HS2ST1: variants seen among roughly 807,000 people sequenced by gnomAD.
HS2ST1 encodes heparan sulfate 2-O-sulfotransferase 1.
In HS2ST1, 18 loss-of-function variants were observed where a neutral mutation model predicts 42.9. The observed-to-expected ratio is 0.42, with a 90% CI of 0.29 to 0.62. HS2ST1 has a LOEUF of 0.62. Ranked by LOEUF, HS2ST1 falls within the 20% of genes least tolerant of loss-of-function variation. The pLI is 0.21. For missense variants in HS2ST1, 334 were observed against 433.8 expected (o/e 0.77, Z 2.04); for synonymous variants, 146 against 152.9 (o/e 0.95, Z 0.33).
intron 1 of HS2ST1, among the ~76,000 whole-genome samples, chr1:86,932,812 T>C (rs772539917): frequency 6.6e-6 from 1 of 152,108 alleles, no homozygotes; most frequent in Non-Finnish European, 1.5e-5. Flanking sequence ...CTGAGCACAA[T>C]TCTGAAGAAG....
intron 1 of HS2ST1, among the ~76,000 whole-genome samples, chr1:86,989,732 C>T (rs1648888843): frequency 6.6e-6 from 1 of 152,134 alleles, no homozygotes; most frequent in African/African-American, 2.4e-5. Context: ...CCCCCTAGCC[C>T]CCAGCAGGCC....
intron 1 of HS2ST1, among the ~76,000 whole-genome samples, chr1:86,960,023 A>T (rs1160911375): frequency 6.6e-6 from 1 of 152,224 alleles, no homozygotes; most frequent in Non-Finnish European, 1.5e-5. Context: ...ACACTATTGT[A>T]CTTAAAGACT....
chr1:87,063,385 G>A (rs1285192128), intron 1 of HS2ST1, among the ~76,000 whole-genome samples: 4 of 152,172 alleles, frequency 2.6e-5, no homozygotes, highest in Non-Finnish European at 4.4e-5. Flanking sequence ...TGCCCAGGCT[G>A]GAGTGCAATG....
rs1570494680 is a variant in HS2ST1, at chr1:87,026,010, C to T, written c.125-46924C>T. 2.0e-5 allele frequency among the ~76,000 whole-genome samples: 3 copies of T among 152,228 alleles called. No homozygotes were observed. In the South Asian group the frequency reaches 6.2e-4, roughly 32 times the overall value. ...AGATACTGTGTTAAAAAAATATATT[C>T]TTATTCTTCTTTGCTAAAGTGAGCC... On this transcript the variant is annotated intron_variant, in intron 1 of 6. Coordinates refer to ENST00000370550, the MANE Select transcript of HS2ST1 (RefSeq NM_012262.4).
chr1:86,953,993 C>T (rs1401464011), intron 1 of HS2ST1, among the ~76,000 whole-genome samples: 6 of 137,322 alleles, frequency 4.4e-5, no homozygotes, highest in African/African-American at 8.5e-5. Flanking sequence ...TGGTTTGTGA[C>T]GCCCCAAAAC....
chr1:86,948,296 G>C (rs1164069146), intron 1 of HS2ST1, among the ~76,000 whole-genome samples: 1 of 152,090 alleles, frequency 6.6e-6, no homozygotes, highest in Non-Finnish European at 1.5e-5. Context: ...TATTTGTATA[G>C]AGACTAGGTC....
intron 1 of HS2ST1, among the ~76,000 whole-genome samples, chr1:87,028,748 A>G (rs1030217133): frequency 6.6e-5 from 10 of 152,232 alleles, no homozygotes; most frequent in African/African-American, 2.4e-4. Flanking sequence ...CAGGTACTGG[A>G]TAGTTGAAAA....
intron 1 of HS2ST1, chr1:86,958,334 A>G (rs1647733521): frequency 6.6e-6 from 1 of 152,232 alleles, no homozygotes; most frequent in Non-Finnish European, 1.5e-5. Context: ...TAGCTAGAGA[A>G]AAGGTTATTA....
At chr1:86,984,971 G>C (rs4656130) in intron 1 of HS2ST1, among the ~76,000 whole-genome samples, 6 of 149,986 alleles carry the variant, frequency 4.0e-5, no homozygotes, top group Non-Finnish European at 5.9e-5. Context: ...TTGAATAGAA[G>C]AATTATTCAT....
intron 1 of HS2ST1, among the ~76,000 whole-genome samples, chr1:86,989,634 A>G (rs1027495730): frequency 1.3e-5 from 2 of 152,180 alleles, no homozygotes; most frequent in African/African-American, 4.8e-5. Context: ...GGTTCGTTAC[A>G]TAGGTATACA....
intron 1 of HS2ST1, among the ~76,000 whole-genome samples, chr1:87,037,109 T>C (rs780158592): frequency 3.6e-5 from 2 of 56,314 alleles, no homozygotes; most frequent in East Asian, 2.3e-3. Flanking sequence ...CTGACTTTTT[T>C]TTTTAATCTG....
chr1:87,011,982 C>T lies in HS2ST1; in HGVS notation c.125-60952C>T, dbSNP rs371222750. 5.3e-5 allele frequency among the ~76,000 whole-genome samples: 8 copies of T among 152,272 alleles called. No homozygotes were observed. In the East Asian group the frequency reaches 5.8e-4, roughly 11 times the overall value. On this transcript the variant is annotated intron_variant, in intron 1 of 6. Coordinates refer to ENST00000370550, the MANE Select transcript of HS2ST1 (RefSeq NM_012262.4). ...TTTATTTTTTGTATTTGCATAGTAA[C>T]GTAATTATCAATTCTCCTTCAGTAT... is the stretch of plus-strand genomic sequence containing the variant.
intron 1 of HS2ST1, among the ~76,000 whole-genome samples, chr1:86,982,163 T>C (rs1414605225): frequency 6.6e-6 from 1 of 152,226 alleles, no homozygotes; most frequent in Non-Finnish European, 1.5e-5. Flanking sequence ...GCAGCTGGAA[T>C]GCAGGGTGCT....
intron 1 of HS2ST1, among the ~76,000 whole-genome samples, chr1:87,048,898 G>A (rs758851650): frequency 1.5e-4 from 23 of 152,194 alleles, no homozygotes; most frequent in Admixed American, 2.6e-4. Context: ...TTTCATGTCT[G>A]ATTTTGGTAT....
chr1:87,058,095 A>T (rs1651023675), intron 1 of HS2ST1, among the ~76,000 whole-genome samples: 1 of 151,600 alleles, frequency 6.6e-6, no homozygotes, highest in African/African-American at 2.4e-5. Context: ...GGAGAAATTG[A>T]TAGCATAGCT....
rs1408546467 is a variant in HS2ST1, at chr1:86,940,672, A to T, written c.124+25512A>T. On this transcript the variant is annotated intron_variant, in intron 1 of 6. Transcript: ENST00000370550. ...GAAAATTAATTAAACTAAAATTCTC[A>T]TATGACTTTGGAAATGACTATTGAA... Among the ~76,000 whole-genome samples the T allele has an allele frequency of 2.6e-5, 4 of 152,212 alleles. No individual in the cohort carries two copies. In the East Asian group the frequency reaches 7.7e-4, roughly 29 times the overall value.
chr1:86,960,390 A>G (rs1647802945), intron 1 of HS2ST1, among the ~76,000 whole-genome samples: 2 of 152,220 alleles, frequency 1.3e-5, no homozygotes, highest in Non-Finnish European at 2.9e-5. Context: ...AACTTTTTAG[A>G]CAAAACACCA....
chr1:87,002,974 T>C (rs1028822395), intron 1 of HS2ST1, among the ~76,000 whole-genome samples: 1 of 152,258 alleles, frequency 6.6e-6, no homozygotes, highest in African/African-American at 2.4e-5. Flanking sequence ...TGAACTACTC[T>C]TCTCTCGAAG....
chr1:87,018,004 A>G (rs979327004), intron 1 of HS2ST1, among the ~76,000 whole-genome samples: 1 of 152,038 alleles, frequency 6.6e-6, no homozygotes, highest in Non-Finnish European at 1.5e-5. Context: ...CTCATCCTTG[A>G]CTCATTGGCT....
Sources: gnomAD v4.1 joint callset for allele counts (sites outside exome capture counted in the v4.1 genomes callset) on GRCh38, gnomAD v4.1.1 for gene constraint, MANE v1.5 for transcripts, NCBI Gene and HGNC (gene_info 2026-07-23, HGNC 2026-07-21) for gene names.